The following MGST1 variants were observed in gnomAD, a reference collection of about 807,000 sequenced individuals.
MGST1 encodes the protein glutathione S-transferase 12.
MGST1 carries 5 observed loss-of-function variants against 8.9 expected under a neutral mutation model. That is an observed-to-expected ratio of 0.56 (90% confidence interval 0.29 to 1.19). The LOEUF (loss-of-function observed/expected upper bound fraction) is 1.19. MGST1 is among the 50% of genes most tolerant of loss of function. The pLI is 0.08. For synonymous variants in MGST1, 54 were observed against 67.8 expected (o/e 0.80, Z 1.00); for missense variants, 182 against 187.4 (o/e 0.97, Z 0.17).
Position 16,401,507 on chromosome 12 carries a change from G to C in MGST1, n.778+17903G>C. ...TTCAGCAGCTCTTCTTGAAGCTGGA[G>C]TAAAAAGTTGTAATTTTCTTGAACT... On this transcript the variant is annotated intron_variant and non_coding_transcript_variant, in intron 1 of 1. Transcript: ENST00000359720. The surrounding 1 kb of genome is among the most constrained non-coding windows in gnomAD (Gnocchi z 4.3). 1.1e-6 allele frequency: 1 copy of C among 878,860 alleles called. No homozygotes were observed. The highest frequency in any genetic ancestry group is 1.9e-6 in the Non-Finnish European group (1 of 523,586). The allele number at this position is 878,860 out of a possible 1,614,324, so 54.4% of individuals were successfully genotyped here.
At chr12:16,376,414 A>G in exon 4 of MGST1, 2 of 287,754 alleles carry the variant, frequency 7.0e-6, no homozygotes, top group Non-Finnish European at 1.3e-5. Context: ...ACGAATCTCT[A>G]ATTTTGAATA....
downstream of MGST1, among the ~76,000 whole-genome samples, chr12:16,377,783 T>G (rs1189851123): frequency 2.6e-5 from 4 of 151,966 alleles, no homozygotes; most frequent in Admixed American, 6.6e-5. Context: ...GTGTTCCTAT[T>G]TCTCCACATC....
exon 4 of MGST1, chr12:16,376,347 G>T (rs1238741781): frequency 2.2e-6 from 1 of 446,366 alleles, no homozygotes. Flanking sequence ...ATTACTGCGG[G>T]AAGTACCCAA....
At chr12:16,499,658 T>C (rs1264177079) in intron 4 of MGST1, among the ~76,000 whole-genome samples, 1 of 151,970 alleles carries the variant, frequency 6.6e-6, no homozygotes, top group Non-Finnish European at 1.5e-5. Context: ...TTTTTTTCTC[T>C]CTACACCATT....
chr12:16,541,943 C>T (rs1432908481), intron 4 of MGST1, among the ~76,000 whole-genome samples: 1 of 152,046 alleles, frequency 6.6e-6, no homozygotes, highest in Non-Finnish European at 1.5e-5. Flanking sequence ...GACAAGATGC[C>T]CAGAGATAGC....
At chr12:16,382,784 C>G (rs1387703852), upstream of MGST1, 1 of 152,678 alleles carries the variant, frequency 6.5e-6, no homozygotes, top group Non-Finnish European at 1.5e-5. Flanking sequence ...GTGGTGGGCT[C>G]CACCCAGTTC....
downstream of MGST1, among the ~76,000 whole-genome samples, chr12:16,366,528 T>C (rs994434204): frequency 5.3e-5 from 8 of 152,056 alleles, no homozygotes; most frequent in Admixed American, 3.9e-4. This position sits in a 1 kb window ranked among gnomAD's most constrained non-coding sequence, Gnocchi z 4.0. Context: ...CTTAACACTA[T>C]TACTTATGAG....
At chr12:16,404,810 T>C (rs1439936581) in intron 1 of MGST1, among the ~76,000 whole-genome samples, 1 of 152,198 alleles carries the variant, frequency 6.6e-6, no homozygotes, top group East Asian at 1.9e-4. Context: ...TATTTCTTCA[T>C]TTTTCTCAGA....
chr12:16,437,176 C>A (rs1263684336), intron 1 of MGST1, among the ~76,000 whole-genome samples: 1 of 151,804 alleles, frequency 6.6e-6, no homozygotes, highest in Non-Finnish European at 1.5e-5. Flanking sequence ...AAAAAGGAAG[C>A]ATATCCCAAA....
intron 1 of MGST1, among the ~76,000 whole-genome samples, chr12:16,423,553 A>AT (rs1940860878): frequency 9.5e-4 from 1 of 1,054 alleles, no homozygotes; most frequent in Non-Finnish European, 0.025. Flanking sequence ...TAACCTATGT[A>AT]CAAAAAAAAT....
intron 4 of MGST1, among the ~76,000 whole-genome samples, chr12:16,554,743 G>A (rs1301655475): frequency 3.3e-5 from 5 of 152,196 alleles, no homozygotes; most frequent in East Asian, 1.9e-4. Context: ...GATTCGCTCC[G>A]CCTCCCGGGT....
intron 4 of MGST1, among the ~76,000 whole-genome samples, chr12:16,492,203 G>T (rs1263020910): frequency 6.6e-6 from 1 of 152,092 alleles, no homozygotes; most frequent in African/African-American, 2.4e-5. Context: ...TTCTTATTAA[G>T]CAAATAAAAT....
rs1316073836 is a variant in MGST1, at chr12:16,585,699, G to T, written n.483-3829G>T. On this transcript the variant is annotated intron_variant and non_coding_transcript_variant, in intron 4 of 4. Coordinates refer to the MGST1 transcript ENST00000538857. The surrounding 1 kb of genome is among the most constrained non-coding windows in gnomAD (Gnocchi z 4.7). Reference sequence around the variant, plus strand: ...ATGTCAAAACTAATCCTCAGGTGATGTAAGCAGCTCCAAATATAATAATAG... The same window carrying T: ...ATGTCAAAACTAATCCTCAGGTGATTTAAGCAGCTCCAAATATAATAATAG... Among the ~76,000 whole-genome samples the T allele has an allele frequency of 6.6e-6, 1 of 152,182 alleles. No homozygotes were observed. The highest frequency in any genetic ancestry group is 1.9e-4 in the East Asian group (1 of 5,192).
downstream of MGST1, among the ~76,000 whole-genome samples, chr12:16,378,053 G>C (rs1286625394): frequency 6.6e-6 from 1 of 151,828 alleles, no homozygotes. Context: ...TTAGCCCTTT[G>C]TCAGATGAGT....
chr12:16,549,104 G>A (rs1941892371), intron 4 of MGST1: 1 of 152,082 alleles, frequency 6.6e-6, no homozygotes, highest in African/African-American at 2.4e-5. Context: ...TTACATCCAT[G>A]TGAATTTCAA....
rs1203978618 is a variant in MGST1 at position 16,547,831 on chromosome 12, T to C, written n.483-41697T>C. Among the ~76,000 whole-genome samples the C allele has an allele frequency of 1.3e-5, 2 of 152,188 alleles. No homozygotes were observed. The highest frequency in any genetic ancestry group is 4.8e-5 in the African/African-American group (2 of 41,460). On this transcript the variant is annotated intron_variant and non_coding_transcript_variant, in intron 4 of 4. Transcript: ENST00000538857. This position sits in a 1 kb window ranked among gnomAD's most constrained non-coding sequence, Gnocchi z 4.6. ...TTTTGCAACTTACTGAAGTGAACAC[T>C]AAACATGTTTGGCCTACATAATTTC... is the stretch of plus-strand genomic sequence containing the variant.
At chr12:16,590,729 A>G (rs1426299302), downstream of MGST1, among the ~76,000 whole-genome samples, 1 of 152,092 alleles carries the variant, frequency 6.6e-6, no homozygotes, top group Non-Finnish European at 1.5e-5. Context: ...TGAATTTCAC[A>G]TTGAAATACT....
intron 4 of MGST1, among the ~76,000 whole-genome samples, chr12:16,538,984 C>G (rs879197759): frequency 6.6e-6 from 1 of 152,084 alleles, no homozygotes; most frequent in Non-Finnish European, 1.5e-5. Context: ...TAAAACCATG[C>G]GATCTCATGA....
At chr12:16,499,833 A>C (rs925695183) in intron 4 of MGST1, among the ~76,000 whole-genome samples, 1 of 152,212 alleles carries the variant, frequency 6.6e-6, no homozygotes, top group Non-Finnish European at 1.5e-5. Context: ...AACTACGAAC[A>C]CGATAGCACT....
Sources: allele counts gnomAD v4.1 joint callset (sites outside exome capture counted in the v4.1 genomes callset), GRCh38; gene constraint gnomAD v4.1.1; non-coding constraint Gnocchi (gnomAD v3.1); transcripts MANE v1.5; gene names NCBI Gene and HGNC (gene_info 2026-07-23, HGNC 2026-07-21).